GPC5: variants seen among roughly 807,000 people sequenced by gnomAD.
The protein encoded by GPC5 is glypican 5, also known as glypican-5.
GPC5 carries 47 observed loss-of-function variants against 53.9 expected under a neutral mutation model. The observed-to-expected ratio is 0.87, with a 90% CI of 0.69 to 1.11. The LOEUF is 1.11. GPC5 is among the 50% of genes most tolerant of loss of function. The probability of loss-of-function intolerance (pLI) is 0.00; values close to 1 mark genes in which losing one functional copy is unlikely to be tolerated. For synonymous variants in GPC5, 286 were observed against 263.3 expected, an observed-to-expected ratio of 1.09 and a Z score of -0.84; for missense variants, 748 against 713.1, an observed-to-expected ratio of 1.05 and a Z score of -0.56.
intron 6 of GPC5, among the ~76,000 whole-genome samples, chr13:92,092,140 T>C (rs2041386151): frequency 6.6e-6 from 1 of 152,198 alleles, no homozygotes; most frequent in Non-Finnish European, 1.5e-5. Flanking sequence ...TGGCCAAATT[T>C]ATTTCCTGAA....
chr13:91,773,628 T>C (rs1308897932), intron 5 of GPC5, among the ~76,000 whole-genome samples: 2 of 152,212 alleles, frequency 1.3e-5, no homozygotes, highest in South Asian at 2.1e-4. Flanking sequence ...ATAGTTTCAA[T>C]ATGATCTGGT....
intron 2 of GPC5, among the ~76,000 whole-genome samples, chr13:91,586,485 A>G (rs2032571726): frequency 9.6e-6 from 1 of 104,488 alleles, no homozygotes; most frequent in Non-Finnish European, 1.9e-5. Context: ...GGGAAGGGGA[A>G]TGCAAGGCAG....
rs1285569615 is a variant in GPC5 at position 92,211,112 on chromosome 13, G to A, written c.1561+66123G>A. 2.6e-5 allele frequency among the ~76,000 whole-genome samples: 4 copies of A among 152,010 alleles called. No homozygotes were observed. In the East Asian group the frequency reaches 7.7e-4, roughly 29 times the overall value. ...GGCCTCAGACATGTAATAAATAGGT[G>A]AGTAAAATAAATGATTTTATTTATT... On this transcript the variant is annotated intron_variant, in intron 7 of 7. Transcript: ENST00000377067.
intron 7 of GPC5, among the ~76,000 whole-genome samples, chr13:92,494,184 G>A (rs1594248928): frequency 1.3e-5 from 2 of 152,140 alleles, no homozygotes; most frequent in East Asian, 3.9e-4. Flanking sequence ...CCGCCTCCTG[G>A]GTTCACGCCA....
chr13:92,803,843 T>C (rs542831016), intron 7 of GPC5, among the ~76,000 whole-genome samples: 1 of 151,960 alleles, frequency 6.6e-6, no homozygotes, highest in Non-Finnish European at 1.5e-5. Context: ...AATGATTTGC[T>C]TAGAATCATG....
intron 2 of GPC5, among the ~76,000 whole-genome samples, chr13:91,679,789 A>T (rs1040300532): frequency 2.0e-5 from 3 of 152,204 alleles, no homozygotes; most frequent in Non-Finnish European, 4.4e-5. Flanking sequence ...TCTCAATTAC[A>T]CATATTTTTC....
intron 7 of GPC5, among the ~76,000 whole-genome samples, chr13:92,328,517 G>A (rs934280763): frequency 6.6e-6 from 1 of 152,116 alleles, no homozygotes; most frequent in Non-Finnish European, 1.5e-5. Context: ...ATCAATTAAT[G>A]GAACTAGGCT....
intron 7 of GPC5, among the ~76,000 whole-genome samples, chr13:92,838,490 A>ACGCC (rs1566439756): frequency 3.4e-4 from 50 of 148,602 alleles, no homozygotes; most frequent in African/African-American, 1.2e-3. Context: ...GCCCCCCCCA[A>ACGCC]AAAAAAAAAG....
chr13:92,421,175 C>T (rs921919811), intron 7 of GPC5, among the ~76,000 whole-genome samples: 5 of 152,122 alleles, frequency 3.3e-5, no homozygotes, highest in Admixed American at 6.5e-5. Context: ...TAGTTTAGAG[C>T]GCAATCCCTT....
In GPC5 at chr13:91,811,755, A is replaced by G. The variant is rs1013448768; in HGVS notation, c.1280+55335A>G. Among the ~76,000 whole-genome samples, 12 of 152,336 alleles carry G rather than the reference A, an allele frequency of 7.9e-5. No individual in the cohort carries two copies. The East Asian group carries it at 1.5e-3, about 20-fold the overall frequency. The stretch of plus-strand genomic sequence containing the variant: ...TGGGCAAAACAAAGTCATTATAACT[A>G]TCCACTACACTGTGGACTGTGTTAA... On this transcript the variant is annotated intron_variant, in intron 5 of 7. Transcript: ENST00000377067.
At chr13:91,707,467 A>T (rs2036131565) in intron 3 of GPC5, among the ~76,000 whole-genome samples, 1 of 152,086 alleles carries the variant, frequency 6.6e-6, no homozygotes, top group Non-Finnish European at 1.5e-5. Context: ...TACAAAAAAA[A>T]TAAGGATTAG....
intron 7 of GPC5, among the ~76,000 whole-genome samples, chr13:92,863,334 A>T (rs763084606): frequency 3.2e-4 from 48 of 152,290 alleles, no homozygotes; most frequent in Non-Finnish European, 5.9e-4. Context: ...TAATAATAAC[A>T]GTGCCTATTT....
intron 2 of GPC5, among the ~76,000 whole-genome samples, chr13:91,632,427 A>G (rs1205854362): frequency 2.0e-5 from 3 of 152,124 alleles, no homozygotes; most frequent in Non-Finnish European, 4.4e-5. Flanking sequence ...TGGTTTATCT[A>G]TTCACCCAAA....
intron 7 of GPC5, chr13:92,448,124 T>A (rs1434622517): frequency 3.9e-5 from 6 of 152,116 alleles, no homozygotes; most frequent in Non-Finnish European, 5.9e-5. Context: ...GCAAATAATT[T>A]CTCTCAGTTC....
chr13:91,839,653 G>C (rs983141286), intron 5 of GPC5, among the ~76,000 whole-genome samples: 1 of 151,970 alleles, frequency 6.6e-6, no homozygotes, highest in African/African-American at 2.4e-5. Context: ...GCTTTGGGAG[G>C]ACAATCCAGT....
chr13:92,597,262 AT>A (rs112041986), intron 7 of GPC5, among the ~76,000 whole-genome samples: 12,277 of 145,400 alleles, frequency 0.084, 1,491 homozygotes, highest in African/African-American at 0.27. Flanking sequence ...TAATGCCAGG[AT>A]TTTTTTTTTT....
chr13:92,460,907 A>G (rs569788138), intron 7 of GPC5, among the ~76,000 whole-genome samples: 1 of 152,300 alleles, frequency 6.6e-6, no homozygotes, highest in Non-Finnish European at 1.5e-5. Flanking sequence ...TTTCTCCAGT[A>G]GGAGGTATGA....
chr13:92,588,461 T>A (rs1471605175), intron 7 of GPC5, among the ~76,000 whole-genome samples: 18 of 152,240 alleles, frequency 1.2e-4, no homozygotes, highest in Non-Finnish European at 2.6e-4. Flanking sequence ...CTGTTTTGTT[T>A]CCTTGTTGAG....
intron 7 of GPC5, among the ~76,000 whole-genome samples, chr13:92,381,580 G>A (rs1353964689): frequency 2.0e-5 from 3 of 151,520 alleles, no homozygotes; most frequent in Non-Finnish European, 2.9e-5. Flanking sequence ...ACTACTATGG[G>A]AAACAACGTG....
Sources: allele counts gnomAD v4.1 joint callset (sites outside exome capture counted in the v4.1 genomes callset), GRCh38; gene constraint gnomAD v4.1.1; transcripts MANE v1.5; gene names NCBI Gene and HGNC (gene_info 2026-07-23, HGNC 2026-07-21).